The following FBXL7 variants were observed in gnomAD, a reference collection of about 807,000 sequenced individuals.
FBXL7 encodes the protein F-box/LRR-repeat protein 7.
A neutral mutation model predicts 38.3 loss-of-function variants in FBXL7; 12 were observed. That is an observed-to-expected ratio of 0.31 (90% CI 0.20 to 0.51). The LOEUF is 0.51. Ranked by LOEUF, FBXL7 falls within the 20% of genes least tolerant of loss-of-function variation. The pLI, the probability that FBXL7 is intolerant of heterozygous loss-of-function variation, is 0.98. For missense variants in FBXL7, 567 were observed against 676.4 expected (o/e 0.84, Z 1.79); for synonymous variants, 297 against 300.9 (o/e 0.99, Z 0.13).
chr5:15,547,609 A>C (rs1737951666), intron 1 of FBXL7, among the ~76,000 whole-genome samples: 4 of 152,282 alleles, frequency 2.6e-5, no homozygotes, highest in African/African-American at 9.6e-5. Flanking sequence ...ATAGAGTCTC[A>C]TCTGCACACA....
intron 1 of FBXL7, among the ~76,000 whole-genome samples, chr5:15,547,295 T>G (rs1561023138): frequency 6.6e-6 from 1 of 152,224 alleles, no homozygotes; most frequent in Non-Finnish European, 1.5e-5. Flanking sequence ...GATTACCTCT[T>G]GGGAAAATTT....
At chr5:15,684,249 A>G (rs1742942339) in intron 2 of FBXL7, among the ~76,000 whole-genome samples, 1 of 152,166 alleles carries the variant, frequency 6.6e-6, no homozygotes, top group Admixed American at 6.5e-5. Flanking sequence ...CGAACTTAGG[A>G]ATGATCTGGT....
chr5:15,611,820 TA>T (rs780092100), intron 1 of FBXL7, among the ~76,000 whole-genome samples: 1,982 of 138,270 alleles, frequency 0.014, 12 homozygotes, highest in African/African-American at 0.03. Context: ...TCATCTCTAT[TA>T]AAAAAAAAAA....
intron 2 of FBXL7, among the ~76,000 whole-genome samples, chr5:15,838,562 C>G (rs767943386): frequency 6.6e-6 from 1 of 152,188 alleles, no homozygotes. Flanking sequence ...TAAGCACACC[C>G]TAGACGGATA....
chr5:15,630,361 A>G (rs749360981), intron 2 of FBXL7, among the ~76,000 whole-genome samples: 1 of 152,174 alleles, frequency 6.6e-6, no homozygotes, highest in Non-Finnish European at 1.5e-5. Flanking sequence ...TCATCTGCTG[A>G]TATCTCAAAG....
At chr5:15,859,878 A>G (rs1048439401) in intron 2 of FBXL7, among the ~76,000 whole-genome samples, 1 of 152,200 alleles carries the variant, frequency 6.6e-6, no homozygotes, top group African/African-American at 2.4e-5. Flanking sequence ...TAAAAATTTG[A>G]ATACGTTGAC....
chr5:15,727,671 GT>G (rs1463095526), intron 2 of FBXL7, among the ~76,000 whole-genome samples: 2 of 152,052 alleles, frequency 1.3e-5, no homozygotes, highest in Non-Finnish European at 2.9e-5. Context: ...TCTTTCTAAA[GT>G]TTGATAATAA....
intron 1 of FBXL7, among the ~76,000 whole-genome samples, chr5:15,542,808 A>T (rs1461877644): frequency 6.6e-6 from 1 of 152,212 alleles, no homozygotes; most frequent in Non-Finnish European, 1.5e-5. Context: ...ACATTAAAAC[A>T]TGAACAAGTT....
chr5:15,576,485 G>A (rs1038568410), intron 1 of FBXL7, among the ~76,000 whole-genome samples: 45 of 152,208 alleles, frequency 3.0e-4, no homozygotes, highest in African/African-American at 9.9e-4. Flanking sequence ...TCTGAAAAAA[G>A]TTTTGTAGTA....
chr5:15,855,464 A>G (rs965310001), intron 2 of FBXL7, among the ~76,000 whole-genome samples: 1 of 152,122 alleles, frequency 6.6e-6, no homozygotes, highest in Non-Finnish European at 1.5e-5. Context: ...CTACTGTAAA[A>G]TAGTGCTAAA....
intron 2 of FBXL7, among the ~76,000 whole-genome samples, chr5:15,770,752 A>G (rs1047972536): frequency 4.6e-5 from 7 of 152,328 alleles, no homozygotes; most frequent in African/African-American, 1.7e-4. Context: ...TTGAGGCTTA[A>G]GGAGATTAAT....
At chr5:15,896,567 C>G (rs1363483806) in intron 2 of FBXL7, among the ~76,000 whole-genome samples, 1 of 152,116 alleles carries the variant, frequency 6.6e-6, no homozygotes, top group Non-Finnish European at 1.5e-5. Context: ...AGCTGGAAAG[C>G]CCAGATCACA....
intron 1 of FBXL7, among the ~76,000 whole-genome samples, chr5:15,578,623 C>T (rs1739040363): frequency 6.6e-6 from 1 of 152,084 alleles, no homozygotes. Context: ...ATTTTCATGA[C>T]CCCCCGTGAT....
chr5:15,656,427 A>C (rs570757683), intron 2 of FBXL7, among the ~76,000 whole-genome samples: 72 of 152,312 alleles, frequency 4.7e-4, no homozygotes, highest in African/African-American at 1.6e-3. Context: ...GGCAAGGAGG[A>C]GCACGTCCCG....
intron 1 of FBXL7, among the ~76,000 whole-genome samples, chr5:15,509,527 A>T (rs542064624): frequency 6.6e-6 from 1 of 152,320 alleles, no homozygotes; most frequent in Admixed American, 6.5e-5. Context: ...CCCTCTAAGT[A>T]ATGACAACCC....
At chr5:15,893,586 C>CTT (rs199627745) in intron 2 of FBXL7, among the ~76,000 whole-genome samples, 1 of 148,844 alleles carries the variant, frequency 6.7e-6, no homozygotes, top group African/African-American at 2.5e-5. Context: ...TCTGAATGTA[C>CTT]TTTTTTTTTT....
intron 2 of FBXL7, among the ~76,000 whole-genome samples, chr5:15,723,299 GATA>G (rs1305139173): frequency 1.3e-5 from 2 of 152,172 alleles, no homozygotes; most frequent in Non-Finnish European, 2.9e-5. Context: ...TGTTCAATGA[GATA>G]ATAACTTTTG....
chr5:15,711,142 A>G (rs1042019913), intron 2 of FBXL7, among the ~76,000 whole-genome samples: 4 of 152,256 alleles, frequency 2.6e-5, no homozygotes, highest in Non-Finnish European at 2.9e-5. Flanking sequence ...GCCACATGAA[A>G]CTGTAAGTCC....
At chr5:15,567,109 C>T (rs1342798867) in intron 1 of FBXL7, among the ~76,000 whole-genome samples, 2 of 152,170 alleles carry the variant, frequency 1.3e-5, no homozygotes, top group East Asian at 1.9e-4. Flanking sequence ...AATTTTAACT[C>T]TTCTAGCAGC....
Sources: gnomAD v4.1 joint callset for allele counts (sites outside exome capture counted in the v4.1 genomes callset) on GRCh38, gnomAD v4.1.1 for gene constraint, MANE v1.5 for transcripts, NCBI Gene and HGNC (gene_info 2026-07-23, HGNC 2026-07-21) for gene names.